CMSS1: variants seen among roughly 807,000 people sequenced by gnomAD.
CMSS1 encodes the protein protein CMSS1.
CMSS1 carries 33 observed loss-of-function variants against 43.5 expected under a neutral mutation model. That is an observed-to-expected ratio of 0.76 (90% CI 0.57 to 1.01). The LOEUF (loss-of-function observed/expected upper bound fraction) is 1.01, where lower values mean the gene tolerates loss of function less well. CMSS1 is among the 50% of genes least tolerant of loss of function. CMSS1 has a pLI of 0.00. For missense variants in CMSS1, 313 were observed against 326.4 expected (o/e 0.96, Z 0.32); for synonymous variants, 115 against 117.2 (o/e 0.98, Z 0.12).
At chr3:100,007,705 AG>A (rs1683800175) in intron 1 of CMSS1, among the ~76,000 whole-genome samples, 1 of 152,236 alleles carries the variant, frequency 6.6e-6, no homozygotes, top group African/African-American at 2.4e-5. Context: ...TGGAAGCTAC[AG>A]TATCGTGTAG....
At chr3:99,837,691 G>T (rs1291552115) in intron 1 of CMSS1, among the ~76,000 whole-genome samples, 1 of 152,154 alleles carries the variant, frequency 6.6e-6, no homozygotes, top group African/African-American at 2.4e-5. Context: ...TTCTGACCTG[G>T]GAAGATACAT....
chr3:99,912,197 A>T (rs1396253158), intron 1 of CMSS1, among the ~76,000 whole-genome samples: 1 of 152,222 alleles, frequency 6.6e-6, no homozygotes, highest in African/African-American at 2.4e-5. Context: ...ATGTTACAAC[A>T]TGTCTGAACC....
chr3:99,941,007 C>T (rs1707833880), intron 1 of CMSS1, among the ~76,000 whole-genome samples: 3 of 152,264 alleles, frequency 2.0e-5, no homozygotes, highest in South Asian at 4.1e-4. Context: ...CCCAGCATCT[C>T]AGGTATACTC....
chr3:99,996,080 G>T (rs1302893916), intron 1 of CMSS1, among the ~76,000 whole-genome samples: 1 of 152,100 alleles, frequency 6.6e-6, no homozygotes, highest in East Asian at 1.9e-4. Flanking sequence ...ACATTGTTAG[G>T]CTGCAAATTT....
chr3:100,021,996 A>G (rs1022698462), intron 1 of CMSS1, among the ~76,000 whole-genome samples: 10 of 143,714 alleles, frequency 7.0e-5, no homozygotes, highest in African/African-American at 1.1e-4. Flanking sequence ...AGAGAGAGAT[A>G]TGAGGGGGGC....
chr3:99,819,308 G>A (rs949948873), intron 1 of CMSS1, among the ~76,000 whole-genome samples: 1 of 152,166 alleles, frequency 6.6e-6, no homozygotes, highest in East Asian at 1.9e-4. Flanking sequence ...TTTATGATAT[G>A]ATTGAAGATG....
chr3:99,841,396 C>G (rs999611255), intron 1 of CMSS1, among the ~76,000 whole-genome samples: 27 of 152,110 alleles, frequency 1.8e-4, no homozygotes, highest in Admixed American at 5.2e-4. Context: ...TGCCTTTTGC[C>G]GGAACAGCAG....
chr3:100,125,231 A>T (rs941868911), intron 1 of CMSS1, among the ~76,000 whole-genome samples: 9 of 152,084 alleles, frequency 5.9e-5, no homozygotes, highest in Admixed American at 5.9e-4. Context: ...GCTTCTCATG[A>T]CGGAACATAA....
chr3:100,127,278 T>C (rs1303037478), intron 1 of CMSS1, among the ~76,000 whole-genome samples: 1 of 152,230 alleles, frequency 6.6e-6, no homozygotes, highest in African/African-American at 2.4e-5. Flanking sequence ...ACCCTTGGCC[T>C]AATCCTCATT....
At chr3:100,145,661 G>C (rs1380263576) in intron 1 of CMSS1, among the ~76,000 whole-genome samples, 1 of 152,186 alleles carries the variant, frequency 6.6e-6, no homozygotes, top group Non-Finnish European at 1.5e-5. Context: ...CTTAGAACTA[G>C]AGAAGATGAT....
chr3:100,109,657 C>G (rs1405348908), intron 1 of CMSS1, among the ~76,000 whole-genome samples: 1 of 152,046 alleles, frequency 6.6e-6, no homozygotes, highest in Non-Finnish European at 1.5e-5. Flanking sequence ...TTGTGTGTTT[C>G]ATTGGTATTG....
chr3:99,879,272 C>T (rs1705641046), intron 1 of CMSS1, among the ~76,000 whole-genome samples: 1 of 151,988 alleles, frequency 6.6e-6, no homozygotes, highest in African/African-American at 2.4e-5. Flanking sequence ...AAGGAGATAC[C>T]AACTAGATTT....
intron 1 of CMSS1, chr3:99,924,243 G>A (rs1559689790): frequency 6.2e-7 from 1 of 1,613,512 alleles, no homozygotes; most frequent in Admixed American, 1.7e-5. Flanking sequence ...TCACATTCCT[G>A]TTCTAGTAGG....
chr3:100,159,877 A>G (rs1330740449), intron 2 of CMSS1: 1 of 456,658 alleles, frequency 2.2e-6, no homozygotes, highest in Admixed American at 2.3e-5. Flanking sequence ...TTTTGTAGTC[A>G]TTATAGCAAA....
chr3:100,027,674 G>T lies in CMSS1; in HGVS notation c.65-119299G>T, dbSNP rs574684350. ...TGCTGTTTAGAATATGGAAAATGTTGTGTGAATTATTTCAGCCTCCTGAGT... is the reference window on the plus strand; with the variant it reads ...TGCTGTTTAGAATATGGAAAATGTTTTGTGAATTATTTCAGCCTCCTGAGT... On this transcript the variant is annotated intron_variant, in intron 1 of 9. Coordinates refer to ENST00000421999, the MANE Select transcript of CMSS1 (RefSeq NM_032359.4). 2.0e-5 allele frequency among the ~76,000 whole-genome samples: 3 copies of T among 152,278 alleles called. No homozygotes were observed. In the South Asian group the frequency reaches 6.2e-4, roughly 32 times the overall value.
chr3:100,081,922 G>A (rs1490244115), intron 1 of CMSS1, among the ~76,000 whole-genome samples: 1 of 152,088 alleles, frequency 6.6e-6, no homozygotes, highest in Non-Finnish European at 1.5e-5. Flanking sequence ...TCCAGACACT[G>A]TCAGATGTCT....
intron 1 of CMSS1, among the ~76,000 whole-genome samples, chr3:100,062,090 CTTCTTTTTTTTTTTTTTTTTTTTT>C (rs1223260107): frequency 1.5e-5 from 1 of 67,880 alleles, no homozygotes; most frequent in Non-Finnish European, 2.8e-5. Flanking sequence ...ATCCTGTCTT[CTTCTTTTTTTTTTTTTTTTTTTTT>C]TTTTTTTTTT....
intron 1 of CMSS1, among the ~76,000 whole-genome samples, chr3:99,979,399 T>C (rs1485205860): frequency 6.6e-6 from 1 of 152,210 alleles, no homozygotes; most frequent in Admixed American, 6.5e-5. Flanking sequence ...AGTAGAATGA[T>C]TCTAAAGATG....
intron 6 of CMSS1, among the ~76,000 whole-genome samples, chr3:100,168,775 TCTTATGGGATAATATACAA>T (rs2067085222): frequency 6.6e-6 from 1 of 151,484 alleles, no homozygotes; most frequent in East Asian, 1.9e-4. Context: ...AGTTCTGAAT[TCTTATGGGATAATATACAA>T]CTAAAAATAG....
Sources: allele counts gnomAD v4.1 joint callset (sites outside exome capture counted in the v4.1 genomes callset), GRCh38; gene constraint gnomAD v4.1.1; transcripts MANE v1.5; gene names NCBI Gene and HGNC (gene_info 2026-07-23, HGNC 2026-07-21).